CTNNA3: variants seen among roughly 807,000 people sequenced by gnomAD.
The protein encoded by CTNNA3 is catenin alpha-3.
A neutral mutation model predicts 95.7 loss-of-function variants in CTNNA3; 76 were observed. That is an observed-to-expected ratio of 0.79 (90% CI 0.66 to 0.96). The LOEUF (loss-of-function observed/expected upper bound fraction) is 0.96, where lower values mean the gene tolerates loss of function less well. CTNNA3 is among the 40% of genes least tolerant of loss of function. CTNNA3 has a pLI of 0.00. For missense variants in CTNNA3, 1,191 were observed against 1,089.8 expected (o/e 1.09, Z -1.31); for synonymous variants, 431 against 374.4 (o/e 1.15, Z -1.74).
At chr10:66,106,626 C>T (rs564198562) in intron 13 of CTNNA3, among the ~76,000 whole-genome samples, 111 of 152,136 alleles carry the variant, frequency 7.3e-4, no homozygotes, top group African/African-American at 2.5e-3. Flanking sequence ...AGAGCTTAGC[C>T]CACAGACCTA....
intron 12 of CTNNA3, among the ~76,000 whole-genome samples, chr10:66,334,085 G>A (rs571611238): frequency 6.6e-6 from 1 of 152,060 alleles, no homozygotes; most frequent in African/African-American, 2.4e-5. Context: ...TTGCTTGGTA[G>A]ATCTTCCTCC....
At chr10:66,952,728 C>T (rs1389066985) in intron 7 of CTNNA3, among the ~76,000 whole-genome samples, 4 of 151,920 alleles carry the variant, frequency 2.6e-5, no homozygotes, top group African/African-American at 4.8e-5. Context: ...TATCAATGTA[C>T]CCATTATTTA....
chr10:66,963,912 G>A (rs556250639), intron 7 of CTNNA3, among the ~76,000 whole-genome samples: 19 of 151,544 alleles, frequency 1.3e-4, no homozygotes, highest in African/African-American at 3.9e-4. Flanking sequence ...GCGCAATCTC[G>A]GTTCACTGAA....
intron 7 of CTNNA3, among the ~76,000 whole-genome samples, chr10:66,918,482 G>C (rs1415484901): frequency 6.6e-6 from 1 of 152,120 alleles, no homozygotes; most frequent in African/African-American, 2.4e-5. Context: ...TGGATATTCT[G>C]CTCAAATTAA....
At chr10:67,090,764 T>G (rs1225821110) in intron 7 of CTNNA3, among the ~76,000 whole-genome samples, 1 of 151,954 alleles carries the variant, frequency 6.6e-6, no homozygotes. Context: ...ACGCAACAAA[T>G]GCCCACAGCT....
At position 66,241,862 on chromosome 10, in the gene CTNNA3, T is replaced by C. The variant is rs71493969; in HGVS notation, c.1884+38608A>G. The stretch of plus-strand genomic sequence containing the variant: ...ATACATGGGAATACTAAAAATCTAA[T>C]ATAACCAAATATAAATCTAAGACCA... On this transcript the variant is annotated intron_variant, in intron 13 of 17. Transcript: ENST00000433211. Among the ~76,000 whole-genome samples, 184 of 152,130 alleles carry C rather than the reference T, an allele frequency of 1.2e-3. 1 individual carries two copies. The highest frequency in any genetic ancestry group is 1.6e-3 in the Non-Finnish European group (107 of 67,990).
At chr10:66,841,172 G>A (rs1843054755) in intron 7 of CTNNA3, among the ~76,000 whole-genome samples, 1 of 152,084 alleles carries the variant, frequency 6.6e-6, no homozygotes. Context: ...AAGGTTGAGG[G>A]CACCTCTACT....
intron 11 of CTNNA3, among the ~76,000 whole-genome samples, chr10:66,445,310 CA>C (rs2093411142): frequency 6.6e-6 from 1 of 152,022 alleles, no homozygotes; most frequent in Non-Finnish European, 1.5e-5. Flanking sequence ...CTCAGCTCTG[CA>C]CCAAGCAGAC....
chr10:67,396,686 A>G lies in CTNNA3; in HGVS notation c.579+125156T>C, dbSNP rs151189221. 2.6e-5 allele frequency among the ~76,000 whole-genome samples: 4 copies of G among 152,354 alleles called. No individual in the cohort carries two copies. The East Asian group carries it at 7.7e-4, about 29-fold the overall frequency. The stretch of plus-strand genomic sequence containing the variant: ...ATCATAAAAAAGAGAAAATATATTT[A>G]TTATTTGATATGGTTTGGCTCTGTC... On this transcript the variant is annotated intron_variant, in intron 5 of 17. Coordinates refer to ENST00000433211, the MANE Select transcript of CTNNA3 (RefSeq NM_013266.4).
chr10:66,416,539 A>C (rs1464796532), intron 11 of CTNNA3, among the ~76,000 whole-genome samples: 1 of 132,374 alleles, frequency 7.6e-6, no homozygotes, highest in African/African-American at 3.0e-5. Flanking sequence ...AAAATAGAGA[A>C]TTTTTTTTTT....
chr10:67,642,546 C>T (rs931009559), intron 2 of CTNNA3, among the ~76,000 whole-genome samples: 3 of 151,928 alleles, frequency 2.0e-5, no homozygotes, highest in Admixed American at 1.3e-4. Flanking sequence ...GGTGAAACCC[C>T]GTGTCTACTA....
rs893512014 is a variant in CTNNA3 at position 66,301,038 on chromosome 10, C to T, written c.1733-20417G>A. 2.0e-5 allele frequency among the ~76,000 whole-genome samples: 3 copies of T among 151,894 alleles called. No individual in the cohort carries two copies. The South Asian group carries it at 6.2e-4, about 32-fold the overall frequency. On this transcript the variant is annotated intron_variant, in intron 12 of 17. Coordinates refer to ENST00000433211, the MANE Select transcript of CTNNA3 (RefSeq NM_013266.4). ...ACATTAAAAAGATAATAACAAAATA[C>T]CATGAACAACCCTATACTCACAAAT... is the stretch of plus-strand genomic sequence containing the variant.
chr10:66,360,804 C>CCTTCCTTTTCTTTCTTTCTTTCTTTCTTT (rs2092662422), intron 12 of CTNNA3, among the ~76,000 whole-genome samples: 1 of 69,820 alleles, frequency 1.4e-5, no homozygotes, highest in African/African-American at 5.3e-5. Flanking sequence ...TTCCTTCCTT[C>CCTTCCTTTTCTTTCTTTCTTTCTTTCTTT]CTTCCTTCCT....
At chr10:67,733,512 G>A (rs374630609) in intron 1 of CTNNA3, among the ~76,000 whole-genome samples, 19 of 152,236 alleles carry the variant, frequency 1.2e-4, no homozygotes, top group African/African-American at 4.3e-4. Context: ...CCACAAAAAG[G>A]ACTGCTGGTG....
chr10:66,880,989 A>C, intron 7 of CTNNA3, among the ~76,000 whole-genome samples: 1 of 152,106 alleles, frequency 6.6e-6, no homozygotes, highest in Non-Finnish European at 1.5e-5. Context: ...CTAGCCATGG[A>C]GAATGTTGAA....
chr10:66,749,960 G>A (rs2132724244), intron 9 of CTNNA3, among the ~76,000 whole-genome samples: 2 of 152,268 alleles, frequency 1.3e-5, no homozygotes, highest in South Asian at 4.1e-4. Context: ...ATTCCCCAAT[G>A]ATATATGATG....
intron 1 of CTNNA3, among the ~76,000 whole-genome samples, chr10:67,721,999 G>A (rs1841182115): frequency 6.6e-6 from 1 of 151,978 alleles, no homozygotes; most frequent in African/African-American, 2.4e-5. Context: ...GGTTCAGTTG[G>A]AAATGCAGAA....
At chr10:66,135,438 T>C (rs892562538) in intron 13 of CTNNA3, among the ~76,000 whole-genome samples, 1 of 152,330 alleles carries the variant, frequency 6.6e-6, no homozygotes, top group Admixed American at 6.5e-5. Flanking sequence ...ATTTCAGTAG[T>C]GTTAATGTAT....
chr10:67,492,952 A>C (rs920664242), intron 5 of CTNNA3, among the ~76,000 whole-genome samples: 1 of 152,172 alleles, frequency 6.6e-6, no homozygotes, highest in Non-Finnish European at 1.5e-5. Flanking sequence ...AGAAAAGACC[A>C]TGGAAACCTC....
Sources: allele counts gnomAD v4.1 joint callset (sites outside exome capture counted in the v4.1 genomes callset), GRCh38; gene constraint gnomAD v4.1.1; transcripts MANE v1.5; gene names NCBI Gene and HGNC (gene_info 2026-07-23, HGNC 2026-07-21).